LRRC7: variants seen among roughly 807,000 people sequenced by gnomAD.
The protein encoded by LRRC7 is leucine-rich repeat-containing protein 7.
A neutral mutation model predicts 175.7 loss-of-function variants in LRRC7; 23 were observed. The ratio of observed to expected loss-of-function variants is 0.13; its 90% confidence interval spans 0.09 to 0.19. LRRC7 has a LOEUF of 0.19. Ranked by LOEUF, LRRC7 falls within the 10% of genes least tolerant of loss-of-function variation. The pLI is 1.00. For missense variants in LRRC7, 1,354 were observed against 1,904.7 expected (o/e 0.71, Z 5.38); for synonymous variants, 685 against 680.9 (o/e 1.01, Z -0.09).
intron 3 of LRRC7, among the ~76,000 whole-genome samples, chr1:69,780,108 T>C (rs547624132): frequency 5.9e-5 from 9 of 152,332 alleles, no homozygotes; most frequent in Non-Finnish European, 1.5e-5. Flanking sequence ...TGTCTGTTCA[T>C]AGGTGCCAAA....
intron 8 of LRRC7, among the ~76,000 whole-genome samples, chr1:69,935,164 A>G (rs553854640): frequency 1.3e-5 from 2 of 152,128 alleles, no homozygotes; most frequent in South Asian, 2.1e-4. Flanking sequence ...AGGGAGTACA[A>G]TGGTTATTGG....
rs1467194471 is a variant in LRRC7 at position 69,717,923 on chromosome 1, AAAAGAAAAG to A, written c.100+39453_100+39461del. On this transcript the variant is annotated intron_variant, in intron 2 of 26. Transcript: ENST00000651989. Reference sequence around the variant, plus strand: ...GGAAGGAGGGAGAGAAAGAGAGAAAAAAAGAAAAGAAAGAAAGAAAGAAAGAAAGAAAGA... The same window carrying A: ...GGAAGGAGGGAGAGAAAGAGAGAAAAAAAGAAAGAAAGAAAGAAAGAAAGA... Among the ~76,000 whole-genome samples, 30 of 94,178 alleles carry A rather than the reference AAAAGAAAAG, an allele frequency of 3.2e-4. 4 individuals are homozygous for A. Among genetic ancestry groups the A allele is most frequent in the African/African-American group, 7.6e-4 (19 of 24,924 alleles). The allele number at this position is 94,178 out of a possible 152,430, so 61.8% of individuals were successfully genotyped here.
intron 7 of LRRC7, among the ~76,000 whole-genome samples, chr1:69,841,549 T>G (rs765777805): frequency 6.6e-6 from 1 of 152,108 alleles, no homozygotes; most frequent in Non-Finnish European, 1.5e-5. Context: ...ATGCATCAGA[T>G]GCAGAAGGCC....
intron 7 of LRRC7, among the ~76,000 whole-genome samples, chr1:69,918,983 A>G (rs985809241): frequency 1.3e-5 from 2 of 152,212 alleles, no homozygotes. Context: ...TTTCCCGGGC[A>G]TGAAGTTATG....
At chr1:69,901,045 AC>A (rs897911477) in intron 7 of LRRC7, among the ~76,000 whole-genome samples, 14 of 152,296 alleles carry the variant, frequency 9.2e-5, no homozygotes, top group African/African-American at 3.4e-4. Flanking sequence ...AGGAATTTAG[AC>A]TTTTTCTTTA....
intron 8 of LRRC7, among the ~76,000 whole-genome samples, chr1:69,958,536 G>A (rs1650725057): frequency 6.6e-6 from 1 of 151,956 alleles, no homozygotes; most frequent in Non-Finnish European, 1.5e-5. Context: ...AAGAAACCAA[G>A]GCATGTTTGT....
At chr1:69,844,110 C>T (rs1346303519) in intron 7 of LRRC7, among the ~76,000 whole-genome samples, 6 of 152,088 alleles carry the variant, frequency 3.9e-5, no homozygotes, top group Non-Finnish European at 8.8e-5. Context: ...AGTTTTTAAA[C>T]ATTTTTGTAA....
At chr1:69,724,584 T>G (rs928033873) in intron 2 of LRRC7, among the ~76,000 whole-genome samples, 2 of 152,200 alleles carry the variant, frequency 1.3e-5, no homozygotes, top group African/African-American at 4.8e-5. Context: ...GAATAAAATA[T>G]GATAAATTAT....
At chr1:69,819,091 G>C (rs1486831956) in intron 4 of LRRC7, among the ~76,000 whole-genome samples, 1 of 151,834 alleles carries the variant, frequency 6.6e-6, no homozygotes, top group Non-Finnish European at 1.5e-5. Context: ...TTCATTTACT[G>C]CTGCTCTGAT....
chr1:69,664,022 C>T (rs536584088), intron 1 of LRRC7, among the ~76,000 whole-genome samples: 224 of 152,208 alleles, frequency 1.5e-3, no homozygotes, highest in African/African-American at 4.5e-3. Context: ...CGCCCGGCCT[C>T]GTTTTAATTT....
chr1:69,757,161 A>G (rs1243067318), intron 2 of LRRC7, among the ~76,000 whole-genome samples: 1 of 151,998 alleles, frequency 6.6e-6, no homozygotes, highest in East Asian at 1.9e-4. Flanking sequence ...CTTTCTACTT[A>G]ATACTTCCTA....
intron 4 of LRRC7, among the ~76,000 whole-genome samples, chr1:69,805,392 G>T (rs1297116346): frequency 1.3e-5 from 2 of 151,738 alleles, no homozygotes; most frequent in Admixed American, 6.6e-5. Context: ...TCATAAAGGG[G>T]TCTACTCTGT....
At chr1:70,050,725 T>A (rs1660682406) in intron 22 of LRRC7, among the ~76,000 whole-genome samples, 1 of 152,024 alleles carries the variant, frequency 6.6e-6, no homozygotes, top group African/African-American at 2.4e-5. Flanking sequence ...AGCTACTCAA[T>A]TTATATACAA....
intron 3 of LRRC7, among the ~76,000 whole-genome samples, chr1:69,773,290 A>T (rs1672443437): frequency 6.6e-6 from 1 of 152,226 alleles, no homozygotes; most frequent in South Asian, 2.1e-4. Context: ...GAATAGATGT[A>T]CTTCATTCAT....
At chr1:69,808,503 T>A (rs1677410683) in intron 4 of LRRC7, among the ~76,000 whole-genome samples, 1 of 152,028 alleles carries the variant, frequency 6.6e-6, no homozygotes, top group South Asian at 2.1e-4. Context: ...ATTGACCACA[T>A]AATTGGAAGT....
intron 7 of LRRC7, among the ~76,000 whole-genome samples, chr1:69,899,801 G>C (rs1399448868): frequency 1.3e-5 from 2 of 152,152 alleles, no homozygotes; most frequent in East Asian, 3.9e-4. Context: ...GCAGCTCTTC[G>C]GCCGTATGAG....
At chr1:70,114,178 A>T (rs960789207) in intron 26 of LRRC7, among the ~76,000 whole-genome samples, 7 of 152,246 alleles carry the variant, frequency 4.6e-5, no homozygotes, top group Non-Finnish European at 1.0e-4. Flanking sequence ...AGGCCAAGTA[A>T]GTTCCACATT....
chr1:69,707,198 A>G (rs1664142592), intron 2 of LRRC7, among the ~76,000 whole-genome samples: 1 of 152,190 alleles, frequency 6.6e-6, no homozygotes, highest in South Asian at 2.1e-4. Flanking sequence ...ATGCCATGGC[A>G]TGTAAGTGCA....
At chr1:70,082,713 A>C (rs900525112) in intron 24 of LRRC7, among the ~76,000 whole-genome samples, 2 of 145,312 alleles carry the variant, frequency 1.4e-5, no homozygotes, top group Non-Finnish European at 3.0e-5. Context: ...AGAATCAGCT[A>C]ATTTTTTCTG....
Sources: gnomAD v4.1 joint callset for allele counts (sites outside exome capture counted in the v4.1 genomes callset) on GRCh38, gnomAD v4.1.1 for gene constraint, MANE v1.5 for transcripts, NCBI Gene and HGNC (gene_info 2026-07-23, HGNC 2026-07-21) for gene names.